Variants in DR1 observed in about 807,000 individuals in gnomAD.
DR1 encodes down-regulator of transcription 1, also known as protein Dr1.
Under a neutral mutation model 19.9 loss-of-function variants are expected in DR1, and 7 were observed. That is an observed-to-expected ratio of 0.35 (90% CI 0.20 to 0.66). The LOEUF is 0.66. Among genes scored for constraint, DR1 ranks in the 30% least tolerant of loss-of-function variants. The pLI is 0.66. For synonymous variants in DR1, 76 were observed against 72.5 expected, an observed-to-expected ratio of 1.05 and a Z score of -0.24; for missense variants, 98 against 203.7, an observed-to-expected ratio of 0.48 and a Z score of 3.16.
At position 93,364,365 on chromosome 1, in the gene DR1, T is replaced by A. The variant is rs188453121; in HGVS notation, c.*3726T>A. ...TGAATTAGTATGTTGTGGGAAAATC[T>A]GTGATTTAATTTTTTAATTGAATTT... On this transcript the variant is annotated 3_prime_UTR_variant, in exon 3 of 3. Coordinates refer to ENST00000370272, the MANE Select transcript of DR1 (RefSeq NM_001938.3). The A allele has an allele frequency of 6.6e-6, 1 of 152,332 alleles. No individual in the cohort carries two copies. Among genetic ancestry groups the A allele is most frequent in the Admixed American group, 6.5e-5 (1 of 15,298 alleles). 9.4% of individuals were successfully genotyped at this position (152,332 alleles called of 1,614,324 possible). A position where few individuals can be genotyped will look rare whatever the true frequency, so the allele number is the denominator to read the frequency against.
chr1:93,362,388 A>AT lies in DR1; in HGVS notation c.*1753dup. 6.7e-6 allele frequency: 1 copy of AT among 149,838 alleles called. No homozygotes were observed. Among genetic ancestry groups the AT allele is most frequent in the Non-Finnish European group, 1.5e-5 (1 of 67,418 alleles). The allele number at this position is 149,838 out of a possible 1,614,324, so 9.3% of individuals were successfully genotyped here. On this transcript the variant is annotated 3_prime_UTR_variant, in exon 3 of 3. Coordinates refer to ENST00000370272, the MANE Select transcript of DR1 (RefSeq NM_001938.3). ...GTACTGTAACATCCTTATACTTTCTATTTTAAGTATATCTGTTTCTTAAGT... is the reference window on the plus strand; with the variant it reads ...GTACTGTAACATCCTTATACTTTCTATTTTTAAGTATATCTGTTTCTTAAGT...
rs1048168733 is a variant in DR1 at position 93,365,264 on chromosome 1, G to A, written c.*4625G>A. ...CCTGGGCTCAAGCAATCCAAAAGGA[G>A]GAAACTTTTAACTTATGATCAGTTT... On this transcript the variant is annotated 3_prime_UTR_variant, in exon 3 of 3. Coordinates refer to ENST00000370272, the MANE Select transcript of DR1 (RefSeq NM_001938.3). 5 of 152,130 alleles carry A rather than the reference G, an allele frequency of 3.3e-5. No individual in the cohort carries two copies. Among genetic ancestry groups the A allele is most frequent in the African/African-American group, 1.2e-4 (5 of 41,414 alleles). The allele number at this position is 152,130 out of a possible 1,614,324, so 9.4% of individuals were successfully genotyped here.
At position 93,361,654 on chromosome 1, in the gene DR1, G is replaced by GA. The variant is rs35565878; in HGVS notation, c.*1016dup. The GA allele has an allele frequency of 6.9e-3, 1,052 of 152,492 alleles. 13 individuals carry two copies. The highest frequency in any genetic ancestry group is 0.027 in the Middle Eastern group (8 of 294). 9.4% of individuals were successfully genotyped at this position (152,492 alleles called of 1,614,324 possible). On this transcript the variant is annotated 3_prime_UTR_variant, in exon 3 of 3. Transcript: ENST00000370272. ...TACATTTTCCCAACTAGATGGCCTA[G>GA]AGTCCAACATTACCTTTTGAGATGA... is the stretch of plus-strand genomic sequence containing the variant.
At chr1:93,349,406 G>C (rs1262445259) in intron 1 of DR1, among the ~76,000 whole-genome samples, 2 of 152,038 alleles carry the variant, frequency 1.3e-5, no homozygotes, top group African/African-American at 4.8e-5. Flanking sequence ...ACGTATTCTT[G>C]AATGAGTTCT....
rs1365757580 is a variant in DR1 at position 93,354,050 on chromosome 1, G to A, written c.363G>A (p.Gln121=). 1.2e-6 allele frequency: 2 copies of A among 1,609,986 alleles called. No individual in the cohort carries two copies. The highest frequency in any genetic ancestry group is 1.7e-6 in the Non-Finnish European group (2 of 1,178,740). Residue 121 remains glutamine, a synonymous_variant, in exon 2 of 3, where the codon CAG becomes CAA. Coordinates refer to ENST00000370272, the MANE Select transcript of DR1 (RefSeq NM_001938.3). The stretch of plus-strand genomic sequence containing the variant: ...TTCCTGAAGAAGAGTTATTGAGACA[G>A]CAACAAGAATTATTTGCAAAAGTAA... ...LGIPEEELLR[Q]QQELFAKARQ... is the part of the protein sequence containing the mutation.
rs1460654833 is a variant in DR1 at position 93,363,753 on chromosome 1, A to C, written c.*3114A>C. ...GGTTCCAGGGATTCATACGCTGGCT[A>C]TCTTTGGAGGCCGTTATTCAACCTG... is the stretch of plus-strand genomic sequence containing the variant. On this transcript the variant is annotated 3_prime_UTR_variant, in exon 3 of 3. Transcript: ENST00000370272. 1 of 152,236 alleles carries C rather than the reference A, an allele frequency of 6.6e-6. No homozygotes were observed. The highest frequency in any genetic ancestry group is 2.4e-5 in the African/African-American group (1 of 41,476). 9.4% of individuals were successfully genotyped at this position (152,236 alleles called of 1,614,324 possible).
At position 93,366,012 on chromosome 1, in the gene DR1, C is replaced by A. The variant is rs1329566626; in HGVS notation, c.*5373C>A. 6.6e-6 allele frequency: 1 copy of A among 152,124 alleles called. No individual in the cohort carries two copies. Among genetic ancestry groups the A allele is most frequent in the Non-Finnish European group, 1.5e-5 (1 of 68,026 alleles). 9.4% of individuals were successfully genotyped at this position (152,124 alleles called of 1,614,324 possible). ...TAAGTATATTCATACTATTGTGCAA[C>A]CACCACCACCATCCGTCTACAGAAC... On this transcript the variant is annotated 3_prime_UTR_variant, in exon 3 of 3. Transcript: ENST00000370272.
At chr1:93,356,807 C>T (rs555350848) in intron 2 of DR1, among the ~76,000 whole-genome samples, 6 of 151,724 alleles carry the variant, frequency 4.0e-5, no homozygotes, top group East Asian at 1.9e-4. Context: ...TTGCAACCTC[C>T]GCCTCCCGGG....
Position 93,367,506 on chromosome 1 carries a change from T to G in DR1, c.*6867T>G, listed in dbSNP as rs1667181221. The G allele has an allele frequency of 6.6e-6, 1 of 152,206 alleles. No individual in the cohort carries two copies. The allele number at this position is 152,206 out of a possible 1,614,324, so 9.4% of individuals were successfully genotyped here. ...CAGGGAGCAAAGTGGGAGCCAACCC[T>G]GGACAGGATGCCTTTTCATCACAGG... On this transcript the variant is annotated 3_prime_UTR_variant, in exon 3 of 3. Transcript: ENST00000370272.
rs1357712905 is a variant in DR1, at chr1:93,361,427, C to G, written c.*788C>G. On this transcript the variant is annotated 3_prime_UTR_variant, in exon 3 of 3. Transcript: ENST00000370272. Reference sequence around the variant, plus strand: ...TTGTTGATAGTATTACTTACCTAGTCCATCCATACTCATATTATTCAAATA... The same window carrying G: ...TTGTTGATAGTATTACTTACCTAGTGCATCCATACTCATATTATTCAAATA... 10 of 152,542 alleles carry G rather than the reference C, an allele frequency of 6.6e-5. No homozygotes were observed. In the South Asian group the frequency reaches 2.1e-3, roughly 32 times the overall value. The allele number at this position is 152,542 out of a possible 1,614,324, so 9.4% of individuals were successfully genotyped here. A position where few individuals can be genotyped will look rare whatever the true frequency, so the allele number is the denominator to read the frequency against.
chr1:93,355,183 TA>T (rs1253280617), intron 2 of DR1: 4 of 152,172 alleles, frequency 2.6e-5, no homozygotes, highest in Non-Finnish European at 4.4e-5. Flanking sequence ...TTTAAATACA[TA>T]AAAACTTGGC....
chr1:93,349,131 A>G (rs946010400), intron 1 of DR1, among the ~76,000 whole-genome samples: 3 of 152,086 alleles, frequency 2.0e-5, no homozygotes, highest in Non-Finnish European at 4.4e-5. Context: ...GCTTCAGGAC[A>G]TTTCACTTGT....
At position 93,366,470 on chromosome 1, in the gene DR1, A is replaced by G. The variant is rs1667131360; in HGVS notation, c.*5831A>G. The G allele has an allele frequency of 6.6e-6, 1 of 152,230 alleles. No homozygotes were observed. The highest frequency in any genetic ancestry group is 1.5e-5 in the Non-Finnish European group (1 of 68,046). 9.4% of individuals were successfully genotyped at this position (152,230 alleles called of 1,614,324 possible). Reference sequence around the variant, plus strand: ...CTTTATATTCATATAAAGATAATTTATAATACAATAAGTCCTCAATGTTGT... The same window carrying G: ...CTTTATATTCATATAAAGATAATTTGTAATACAATAAGTCCTCAATGTTGT... On this transcript the variant is annotated 3_prime_UTR_variant, in exon 3 of 3. Transcript: ENST00000370272.
At chr1:93,354,104 A>G (rs779446642) in intron 2 of DR1, 33 bp downstream of exon 2, 74 of 1,588,134 alleles carry the variant, frequency 4.7e-5, no homozygotes, top group Non-Finnish European at 5.8e-5. Context: ...TTTCCTCTGA[A>G]TCCTACCCTG....
intron 1 of DR1, among the ~76,000 whole-genome samples, chr1:93,351,436 C>CTTTTTTT (rs397862048): frequency 4.8e-5 from 5 of 103,804 alleles, no homozygotes; most frequent in African/African-American, 7.6e-5. Flanking sequence ...GATTTTCTTT[C>CTTTTTTT]TTTTTTTTTT....
intron 2 of DR1, chr1:93,354,913 A>G (rs1171366454): frequency 6.6e-6 from 1 of 152,220 alleles, no homozygotes; most frequent in Non-Finnish European, 1.5e-5. Flanking sequence ...ATTGAGTTCT[A>G]ACCACGTGTT....
In DR1 at chr1:93,362,701, T is replaced by C. The variant is rs942869613; in HGVS notation, c.*2062T>C. On this transcript the variant is annotated 3_prime_UTR_variant, in exon 3 of 3. Coordinates refer to ENST00000370272, the MANE Select transcript of DR1 (RefSeq NM_001938.3). ...TTTTGGTCATTTGGTATGTAGTACC[T>C]GCCTTTTGTTTTTGTTTACTGTTAT... The C allele has an allele frequency of 6.6e-6, 1 of 151,864 alleles. No individual in the cohort carries two copies. The highest frequency in any genetic ancestry group is 2.4e-5 in the African/African-American group (1 of 41,408). 9.4% of individuals were successfully genotyped at this position (151,864 alleles called of 1,614,324 possible).
intron 2 of DR1, among the ~76,000 whole-genome samples, chr1:93,356,585 C>G (rs1666987877): frequency 6.6e-6 from 1 of 152,088 alleles, no homozygotes; most frequent in Non-Finnish European, 1.5e-5. Flanking sequence ...TTTGTAGAGA[C>G]TTGAAATTAT....
At chr1:93,349,282 T>C (rs1009421924) in intron 1 of DR1, among the ~76,000 whole-genome samples, 1 of 152,082 alleles carries the variant, frequency 6.6e-6, no homozygotes, top group East Asian at 1.9e-4. Context: ...TTTTTCTGTT[T>C]TGCTTATTTT....
Sources: gnomAD v4.1 joint callset for allele counts (sites outside exome capture counted in the v4.1 genomes callset) on GRCh38, gnomAD v4.1.1 for gene constraint, MANE v1.5 for transcripts, NCBI Gene and HGNC (gene_info 2026-07-23, HGNC 2026-07-21) for gene names.